PPP2R2D: variants seen among roughly 807,000 people sequenced by gnomAD.
PPP2R2D encodes the protein protein phosphatase 2 regulatory subunit Bdelta.
PPP2R2D carries 9 observed loss-of-function variants against 31.1 expected under a neutral mutation model. That is an observed-to-expected ratio of 0.29 (90% CI 0.17 to 0.51). The LOEUF (loss-of-function observed/expected upper bound fraction) is 0.51. PPP2R2D is among the 20% of genes least tolerant of loss of function. The pLI, the probability that PPP2R2D is intolerant of heterozygous loss-of-function variation, is 0.98. For missense variants in PPP2R2D, 391 were observed against 465.6 expected, an observed-to-expected ratio of 0.84 and a Z score of 1.48; for synonymous variants, 179 against 172.6, an observed-to-expected ratio of 1.04 and a Z score of -0.29.
chr10:131,901,164 T>G lies in PPP2R2D; in HGVS notation c.7+9T>G, dbSNP rs1195044676. The stretch of plus-strand genomic sequence containing the variant: ...GCCGGCTGCCATGGCAGGTGAGGGG[T>G]CTGCGCGGGCCGGCGGGGACCACGG... On this transcript the variant is annotated intron_variant, in intron 1 of 8. Transcript: ENST00000455566. 1 of 303,016 alleles carries G rather than the reference T, an allele frequency of 3.3e-6. No homozygotes were observed. The highest frequency in any genetic ancestry group is 6.0e-6 in the Non-Finnish European group (1 of 165,910). 18.8% of individuals were successfully genotyped at this position (303,016 alleles called of 1,614,324 possible). A position where few individuals can be genotyped will look rare whatever the true frequency, so the allele number is the denominator to read the frequency against.
At chr10:131,963,835 G>A (rs1481048856), downstream of PPP2R2D, among the ~76,000 whole-genome samples, 1 of 152,142 alleles carries the variant, frequency 6.6e-6, no homozygotes, top group Non-Finnish European at 1.5e-5. Flanking sequence ...CCCTAACAAT[G>A]GTGTGTCCTG....
At chr10:131,953,554 G>A (rs1421751991) in intron 8 of PPP2R2D, among the ~76,000 whole-genome samples, 1 of 141,098 alleles carries the variant, frequency 7.1e-6, no homozygotes, top group Admixed American at 7.2e-5. Flanking sequence ...AGTGACTTGT[G>A]GTTGTGTGTG....
At chr10:131,966,609 T>A in the PPP2R2D span, 1 of 152,348 alleles carries the variant, frequency 6.6e-6, no homozygotes, top group East Asian at 1.9e-4. Flanking sequence ...TCAGGCCGTG[T>A]GCACTATCCT....
At chr10:131,946,197 C>T (rs1243447046) in intron 7 of PPP2R2D, among the ~76,000 whole-genome samples, 1 of 152,248 alleles carries the variant, frequency 6.6e-6, no homozygotes, top group Non-Finnish European at 1.5e-5. Context: ...GAAAGTCTAG[C>T]ATTTTAATCC....
At chr10:131,920,962 G>T (rs2035975316) in intron 2 of PPP2R2D, among the ~76,000 whole-genome samples, 2 of 152,206 alleles carry the variant, frequency 1.3e-5, no homozygotes, top group African/African-American at 4.8e-5. Context: ...TCTCAGGGTT[G>T]TGTGTGTTTC....
the PPP2R2D span, chr10:131,967,801 A>C: frequency 6.6e-6 from 1 of 152,484 alleles, no homozygotes; most frequent in Non-Finnish European, 1.5e-5. Flanking sequence ...CACAAAGGAG[A>C]GGATTAAATT....
At chr10:131,954,083 G>A (rs1289566546) in intron 8 of PPP2R2D, among the ~76,000 whole-genome samples, 2 of 152,216 alleles carry the variant, frequency 1.3e-5, no homozygotes, top group African/African-American at 4.8e-5. Flanking sequence ...CACAGAACCA[G>A]TTATGTGCTT....
Position 131,955,753 on chromosome 10 carries a change from C to T in PPP2R2D, c.1152C>T (p.Thr384=), listed in dbSNP as rs201010169. The T allele has an allele frequency of 2.0e-4, 310 of 1,568,594 alleles. No homozygotes were observed. Among genetic ancestry groups the T allele is most frequent in the Middle Eastern group, 5.1e-4 (3 of 5,886 alleles). ...ATAGAGACACGCGGAGGGATGTGAC[C>T]CTGGAGGCCTCGAGAGAGAGCAGCA... The part of the protein sequence containing the change: ...MFDRDTRRDV[T]LEASRESSKP... The change falls in exon 9 of 9, where the codon ACC becomes ACT. Residue 384 remains threonine, a synonymous_variant. Coordinates refer to ENST00000455566, the MANE Select transcript of PPP2R2D (RefSeq NM_018461.5).
intron 2 of PPP2R2D, among the ~76,000 whole-genome samples, chr10:131,924,433 A>G (rs1163226622): frequency 1.3e-5 from 2 of 152,158 alleles, no homozygotes; most frequent in Non-Finnish European, 2.9e-5. Context: ...TTGAAATAGT[A>G]TTCTTTTACC....
chr10:131,946,494 G>A (rs1212597645), intron 7 of PPP2R2D, among the ~76,000 whole-genome samples: 2 of 152,182 alleles, frequency 1.3e-5, no homozygotes, highest in African/African-American at 2.4e-5. Context: ...CAGCCTTTTC[G>A]CCTGTTCTCT....
chr10:131,926,834 T>C (rs1329551277), intron 2 of PPP2R2D, among the ~76,000 whole-genome samples: 1 of 152,260 alleles, frequency 6.6e-6, no homozygotes, highest in Non-Finnish European at 1.5e-5. Context: ...GCACCTTGCC[T>C]CTGCCCAGCG....
At chr10:131,912,912 A>G (rs2035707202) in intron 2 of PPP2R2D, among the ~76,000 whole-genome samples, 1 of 152,232 alleles carries the variant, frequency 6.6e-6, no homozygotes, top group African/African-American at 2.4e-5. Flanking sequence ...ACACGGTGTC[A>G]GAGGCTGTGC....
intron 3 of PPP2R2D, among the ~76,000 whole-genome samples, chr10:131,938,152 T>C (rs1288259126): frequency 6.6e-6 from 1 of 152,182 alleles, no homozygotes; most frequent in Non-Finnish European, 1.5e-5. Context: ...GCCCTGCACA[T>C]TGGACTCTGC....
At chr10:131,911,126 C>G (rs1414673085) in intron 2 of PPP2R2D, among the ~76,000 whole-genome samples, 2 of 152,226 alleles carry the variant, frequency 1.3e-5, no homozygotes, top group African/African-American at 4.8e-5. Flanking sequence ...ACAAGTAACA[C>G]AACCTGAGGC....
chr10:131,950,278 C>T (rs1402420742), intron 8 of PPP2R2D, among the ~76,000 whole-genome samples: 1 of 152,154 alleles, frequency 6.6e-6, no homozygotes, highest in Admixed American at 6.5e-5. Flanking sequence ...CTTAAAGTGA[C>T]AGTGGCCAGC....
At chr10:131,902,217 T>C (rs2035511578) in intron 2 of PPP2R2D, among the ~76,000 whole-genome samples, 1 of 152,250 alleles carries the variant, frequency 6.6e-6, no homozygotes, top group Non-Finnish European at 1.5e-5. Flanking sequence ...ACTTTTTTGT[T>C]GTTGTTCATA....
chr10:131,919,280 GCGTT>G (rs2035911816), intron 2 of PPP2R2D, among the ~76,000 whole-genome samples: 7 of 114,624 alleles, frequency 6.1e-5, no homozygotes, highest in African/African-American at 1.4e-4. Flanking sequence ...GAATGGCACA[GCGTT>G]TGTAGGGACC....
In PPP2R2D at chr10:131,955,835, G is replaced by A; in HGVS notation, c.1234G>A (p.Asp412Asn). The change falls in exon 9 of 9, where the codon GAC (aspartate) becomes AAC (asparagine). Residue 412 changes from aspartate (D) to asparagine (N), a missense_variant. Coordinates refer to ENST00000455566, the MANE Select transcript of PPP2R2D (RefSeq NM_018461.5). ...KVCTGGKRRKDEISVDSLDFN... is the reference protein window; with the variant it reads ...KVCTGGKRRKNEISVDSLDFN... The stretch of plus-strand genomic sequence containing the variant: ...GTGTACGGGGGGTAAGCGGAGGAAA[G>A]ACGAGATCAGTGTGGACAGTCTGGA... 1 of 1,609,956 alleles carries A rather than the reference G, an allele frequency of 6.2e-7. No individual in the cohort carries two copies. The highest frequency in any genetic ancestry group is 8.5e-7 in the Non-Finnish European group (1 of 1,177,856).
chr10:131,952,272 C>T (rs1484183709), intron 8 of PPP2R2D, among the ~76,000 whole-genome samples: 7 of 87,904 alleles, frequency 8.0e-5, no homozygotes, highest in Admixed American at 1.6e-4. Context: ...CAGTGACTTG[C>T]GGGTGTGCGG....
Sources: allele counts gnomAD v4.1 joint callset (sites outside exome capture counted in the v4.1 genomes callset), GRCh38; gene constraint gnomAD v4.1.1; transcripts MANE v1.5; gene names NCBI Gene and HGNC (gene_info 2026-07-23, HGNC 2026-07-21).